SHROOM3: variants seen among roughly 807,000 people sequenced by gnomAD.
SHROOM3 encodes protein Shroom3.
In SHROOM3, 47 loss-of-function variants were observed where a neutral mutation model predicts 138.6. The observed-to-expected ratio is 0.34, with a 90% CI of 0.27 to 0.43. The LOEUF (loss-of-function observed/expected upper bound fraction) is 0.43. Ranked by LOEUF, SHROOM3 falls within the 20% of genes least tolerant of loss-of-function variation. The pLI, the probability that SHROOM3 is intolerant of heterozygous loss-of-function variation, is 1.00. For synonymous variants in SHROOM3, 1,062 were observed against 1,063.3 expected (o/e 1.00, Z 0.02); for missense variants, 2,491 against 2,596.5 (o/e 0.96, Z 0.88).
intron 3 of SHROOM3, among the ~76,000 whole-genome samples, chr4:76,710,890 T>C (rs1187671523): frequency 1.3e-5 from 2 of 152,178 alleles, no homozygotes; most frequent in African/African-American, 4.8e-5. Flanking sequence ...TCTTGTAGAA[T>C]AGCATTCAGC....
chr4:76,552,035 G>T (rs58095122), intron 1 of SHROOM3, among the ~76,000 whole-genome samples: 2 of 144,082 alleles, frequency 1.4e-5, no homozygotes, highest in African/African-American at 2.6e-5. Flanking sequence ...CTAATTTTTT[G>T]TATCTTTAGT....
At chr4:76,508,706 G>C (rs1016140645) in intron 1 of SHROOM3, among the ~76,000 whole-genome samples, 6 of 152,076 alleles carry the variant, frequency 3.9e-5, no homozygotes, top group Non-Finnish European at 5.9e-5. Flanking sequence ...CATTTATTTA[G>C]GTCTTTTAAA....
chr4:76,467,504 G>A (rs1370575560), intron 1 of SHROOM3, among the ~76,000 whole-genome samples: 2 of 152,164 alleles, frequency 1.3e-5, no homozygotes, highest in South Asian at 4.1e-4. Context: ...TGAAGGCTAA[G>A]CAAATACTGG....
intron 2 of SHROOM3, among the ~76,000 whole-genome samples, chr4:76,662,703 C>T (rs541075021): frequency 7.2e-5 from 11 of 152,308 alleles, no homozygotes; most frequent in Admixed American, 2.6e-4. Flanking sequence ...TAAGAATCCA[C>T]GTATACTTTC....
At chr4:76,751,194 A>G (rs912693906) in intron 6 of SHROOM3, among the ~76,000 whole-genome samples, 1 of 152,196 alleles carries the variant, frequency 6.6e-6, no homozygotes, top group Admixed American at 6.5e-5. Flanking sequence ...GTCTTTTATC[A>G]TAGTCACTCT....
At chr4:76,561,696 A>C (rs1010690167) in intron 2 of SHROOM3, among the ~76,000 whole-genome samples, 6 of 151,544 alleles carry the variant, frequency 4.0e-5, no homozygotes, top group Admixed American at 3.9e-4. Flanking sequence ...TAAAAAAAAA[A>C]AAAAAAAAAA....
At chr4:76,457,496 T>TC (rs1731051993) in intron 1 of SHROOM3, among the ~76,000 whole-genome samples, 1 of 138,172 alleles carries the variant, frequency 7.2e-6, no homozygotes, top group African/African-American at 2.8e-5. Flanking sequence ...TTCTTTATAA[T>TC]TTTTTTTTTT....
At chr4:76,499,756 A>G (rs185585249) in intron 1 of SHROOM3, among the ~76,000 whole-genome samples, 117 of 152,304 alleles carry the variant, frequency 7.7e-4, no homozygotes, top group African/African-American at 2.8e-3. Flanking sequence ...CAGAGAAAGT[A>G]ACATTCGAGA....
intron 2 of SHROOM3, among the ~76,000 whole-genome samples, chr4:76,693,929 G>T (rs1346575183): frequency 2.0e-5 from 3 of 148,996 alleles, no homozygotes; most frequent in Admixed American, 2.0e-4. Context: ...GAATCCAAAT[G>T]AAAGGTTAAC....
chr4:76,774,572 A>C (rs560470366), intron 10 of SHROOM3, among the ~76,000 whole-genome samples: 1 of 152,198 alleles, frequency 6.6e-6, no homozygotes, highest in South Asian at 2.1e-4. Context: ...GTGATTCTTT[A>C]TACATTACTG....
At chr4:76,566,939 T>A (rs1733736855) in intron 2 of SHROOM3, among the ~76,000 whole-genome samples, 1 of 152,246 alleles carries the variant, frequency 6.6e-6, no homozygotes, top group Non-Finnish European at 1.5e-5. Flanking sequence ...GTCTTTGTGC[T>A]TTTGCCAGTA....
chr4:76,533,864 C>G (rs1313714815), intron 1 of SHROOM3, among the ~76,000 whole-genome samples: 1 of 152,158 alleles, frequency 6.6e-6, no homozygotes, highest in Non-Finnish European at 1.5e-5. Context: ...AACTGCAGAA[C>G]ACACTCCCGT....
chr4:76,556,873 GACTGTGGTCCC>G (rs963094678), intron 2 of SHROOM3, among the ~76,000 whole-genome samples: 1 of 152,186 alleles, frequency 6.6e-6, no homozygotes, highest in Non-Finnish European at 1.5e-5. Context: ...ACACAGCGAT[GACTGTGGTCCC>G]ACTGTGTCTC....
chr4:76,569,656 A>G (rs977739040), intron 2 of SHROOM3, among the ~76,000 whole-genome samples: 2 of 149,472 alleles, frequency 1.3e-5, no homozygotes, highest in African/African-American at 4.9e-5. Context: ...TCTCTCACAC[A>G]TCTTTCCAGT....
intron 1 of SHROOM3, among the ~76,000 whole-genome samples, chr4:76,514,954 C>T (rs942254026): frequency 1.3e-5 from 2 of 152,072 alleles, no homozygotes; most frequent in Admixed American, 1.3e-4. Context: ...GTGGCTCACA[C>T]CTGTAATTCC....
intron 1 of SHROOM3, among the ~76,000 whole-genome samples, chr4:76,448,995 T>C (rs1212837528): frequency 6.6e-6 from 1 of 152,206 alleles, no homozygotes; most frequent in Non-Finnish European, 1.5e-5. Flanking sequence ...GTCTTCACCC[T>C]CTCATGGGAT....
At chr4:76,757,382 C>T (rs886096711) in intron 8 of SHROOM3, among the ~76,000 whole-genome samples, 7 of 152,262 alleles carry the variant, frequency 4.6e-5, no homozygotes, top group Non-Finnish European at 8.8e-5. Context: ...GTGCCTGTCT[C>T]CAGCAATTAC....
chr4:76,640,486 A>C (rs1485683229), intron 2 of SHROOM3, among the ~76,000 whole-genome samples: 1 of 152,230 alleles, frequency 6.6e-6, no homozygotes, highest in Non-Finnish European at 1.5e-5. Flanking sequence ...TGAGAAGACT[A>C]GTCATACTAA....
Position 76,529,465 on chromosome 4 carries a change from C to T in SHROOM3, c.169-26144C>T, listed in dbSNP as rs564084448. Among the ~76,000 whole-genome samples the T allele has an allele frequency of 4.3e-4, 65 of 152,150 alleles. 1 individual carries two copies. Among genetic ancestry groups the T allele is most frequent in the Middle Eastern group, 3.4e-3 (1 of 294 alleles). On this transcript the variant is annotated intron_variant, in intron 1 of 10. Coordinates refer to ENST00000296043, the MANE Select transcript of SHROOM3 (RefSeq NM_020859.4). ...CCGAATAGCTGGGACTACAGGCTCCCGCCACCACACCCAGCTAATTTTTTG... is the reference window on the plus strand; with the variant it reads ...CCGAATAGCTGGGACTACAGGCTCCTGCCACCACACCCAGCTAATTTTTTG...
Sources: gnomAD v4.1 joint callset for allele counts (sites outside exome capture counted in the v4.1 genomes callset) on GRCh38, gnomAD v4.1.1 for gene constraint, MANE v1.5 for transcripts, NCBI Gene and HGNC (gene_info 2026-07-23, HGNC 2026-07-21) for gene names.